FER1L6: variants seen among roughly 807,000 people sequenced by gnomAD.
The protein encoded by FER1L6 is fer-1-like protein 6.
FER1L6 carries 177 observed loss-of-function variants against 219.2 expected under a neutral mutation model. The observed-to-expected ratio is 0.81, with a 90% CI of 0.71 to 0.91. FER1L6 has a LOEUF of 0.91. Among genes scored for constraint, FER1L6 ranks in the 40% least tolerant of loss-of-function variants. The pLI, the probability that FER1L6 is intolerant of heterozygous loss-of-function variation, is 0.00. For synonymous variants in FER1L6, 768 were observed against 824.3 expected, an observed-to-expected ratio of 0.93 and a Z score of 1.17; for missense variants, 2,153 against 2,259.9, an observed-to-expected ratio of 0.95 and a Z score of 0.96.
In FER1L6 at chr8:124,083,270, C is replaced by T. The variant is rs570898407; in HGVS notation, c.4391+812C>T. On this transcript the variant is annotated intron_variant, in intron 33 of 40. Transcript: ENST00000522917. ...TTCTATCTAACTATATTTTTGTACT[C>T]ATTAACCATCATCCACTCTCTATCT... Among the ~76,000 whole-genome samples, 3 of 152,238 alleles carry T rather than the reference C, an allele frequency of 2.0e-5. No individual in the cohort carries two copies. The South Asian group carries it at 6.2e-4, about 32-fold the overall frequency.
chr8:123,883,963 G>A (rs1237433799), intron 1 of FER1L6, among the ~76,000 whole-genome samples: 2 of 152,090 alleles, frequency 1.3e-5, no homozygotes, highest in Admixed American at 1.3e-4. Context: ...TGAATTTTGG[G>A]GGGACACATT....
At chr8:124,116,399 G>C (rs569255249) in intron 39 of FER1L6, among the ~76,000 whole-genome samples, 1 of 151,784 alleles carries the variant, frequency 6.6e-6, no homozygotes, top group East Asian at 1.9e-4. Flanking sequence ...TAGCCAAAAA[G>C]GGCATGCATG....
intron 32 of FER1L6, among the ~76,000 whole-genome samples, chr8:124,079,821 T>C (rs997239399): frequency 6.6e-6 from 1 of 152,094 alleles, no homozygotes; most frequent in Non-Finnish European, 1.5e-5. Flanking sequence ...ATGGCTAAGA[T>C]TAGAAGTTCT....
intron 1 of FER1L6, among the ~76,000 whole-genome samples, chr8:123,877,056 A>G (rs1817016409): frequency 6.6e-6 from 1 of 152,144 alleles, no homozygotes; most frequent in African/African-American, 2.4e-5. Flanking sequence ...CTCCTCACCC[A>G]CACTGGTCTG....
intron 1 of FER1L6, among the ~76,000 whole-genome samples, chr8:123,880,588 T>C (rs999321892): frequency 1.3e-5 from 2 of 152,156 alleles, no homozygotes; most frequent in Non-Finnish European, 1.5e-5. Flanking sequence ...ACCCAGGGTA[T>C]TTTATGGCCA....
intron 1 of FER1L6, among the ~76,000 whole-genome samples, chr8:123,888,112 A>T (rs1212912073): frequency 8.1e-6 from 1 of 122,722 alleles, no homozygotes; most frequent in Non-Finnish European, 1.8e-5. Context: ...GTAAACTGAT[A>T]TTCTCTTTTT....
At chr8:123,964,701 C>T (rs897318704) in intron 3 of FER1L6, among the ~76,000 whole-genome samples, 2 of 152,182 alleles carry the variant, frequency 1.3e-5, no homozygotes, top group Non-Finnish European at 2.9e-5. Flanking sequence ...GGAATAACAG[C>T]CTTTTTCTTT....
rs768839478 is a variant in FER1L6, at chr8:124,071,630, C to T, written c.4091C>T (p.Ala1364Val). ...VTVLIRVYIV[A>V]AFNLSPADPD... is the part of the protein sequence containing the mutation. ...GTGCTGATCAGAGTATACATTGTCG[C>T]GGTGAGCCATTCTTGTTTGCTCTGA... Residue 1364 changes from alanine (A) to valine (V), a missense_variant and splice_region_variant, in exon 31 of 41, where the codon GCG (alanine) becomes GTG (valine). Transcript: ENST00000522917. 94 of 1,611,806 alleles carry T rather than the reference C, an allele frequency of 5.8e-5. No homozygotes were observed. Among genetic ancestry groups the T allele is most frequent in the East Asian group, 1.8e-4 (8 of 44,858 alleles).
At chr8:123,907,166 A>G (rs1268417711) in intron 1 of FER1L6, among the ~76,000 whole-genome samples, 1 of 152,196 alleles carries the variant, frequency 6.6e-6, no homozygotes, top group Admixed American at 6.5e-5. Flanking sequence ...GTAGTTTGCC[A>G]AATTCTTGAC....
intron 1 of FER1L6, among the ~76,000 whole-genome samples, chr8:123,929,797 A>C (rs1268640663): frequency 6.6e-6 from 1 of 152,184 alleles, no homozygotes; most frequent in East Asian, 1.9e-4. Flanking sequence ...ACATGAAAGC[A>C]CATGAAAATT....
chr8:123,915,019 A>C (rs1262906496), intron 1 of FER1L6, among the ~76,000 whole-genome samples: 2 of 151,188 alleles, frequency 1.3e-5, no homozygotes, highest in Non-Finnish European at 2.9e-5. Context: ...GAACTGAACT[A>C]TAAAAGGTAT....
intron 1 of FER1L6, among the ~76,000 whole-genome samples, chr8:123,934,606 C>T (rs1028883983): frequency 1.3e-5 from 2 of 151,692 alleles, no homozygotes; most frequent in Non-Finnish European, 1.5e-5. Flanking sequence ...CATGTGCTAT[C>T]AATTGGCTCA....
At chr8:123,918,707 C>T (rs1331963039) in intron 1 of FER1L6, among the ~76,000 whole-genome samples, 13 of 130,040 alleles carry the variant, frequency 1.0e-4, no homozygotes, top group Middle Eastern at 3.6e-3. Flanking sequence ...GTGGCAGGGG[C>T]GGGGGGGTGG....
chr8:124,021,747 G>A (rs1036844039), intron 17 of FER1L6, 78 bp downstream of exon 17: 46 of 1,530,196 alleles, frequency 3.0e-5, no homozygotes, highest in Non-Finnish European at 3.9e-5. Context: ...GGTTGGTACG[G>A]GTGAAATATG....
intron 37 of FER1L6, among the ~76,000 whole-genome samples, chr8:124,100,460 GAGGTTAGAT>G (rs1233829822): frequency 2.0e-5 from 3 of 152,176 alleles, no homozygotes; most frequent in African/African-American, 4.8e-5. Flanking sequence ...AAGGCACAGG[GAGGTTAGAT>G]AACTTACCTA....
intron 33 of FER1L6, among the ~76,000 whole-genome samples, chr8:124,086,723 C>T (rs566394889): frequency 4.3e-4 from 65 of 152,256 alleles, no homozygotes; most frequent in Non-Finnish European, 2.4e-4. Context: ...TCATTAACAT[C>T]CTTTTTCTCT....
intron 1 of FER1L6, among the ~76,000 whole-genome samples, chr8:123,930,323 T>A (rs34273310): frequency 0.39 from 59,302 of 151,926 alleles, 12,197 homozygotes; most frequent in South Asian, 0.52. Flanking sequence ...CTATTTTTTA[T>A]AACCACAGCT....
At chr8:124,072,357 A>G (rs920067956) in intron 31 of FER1L6, among the ~76,000 whole-genome samples, 6 of 152,140 alleles carry the variant, frequency 3.9e-5, no homozygotes, top group Non-Finnish European at 1.5e-5. Flanking sequence ...TGACTATGAA[A>G]CTTTTCGGCC....
chr8:124,093,663 G>C (rs1452032928), intron 34 of FER1L6, among the ~76,000 whole-genome samples: 1 of 151,194 alleles, frequency 6.6e-6, no homozygotes, highest in Non-Finnish European at 1.5e-5. Flanking sequence ...CCCACTAGAA[G>C]TCTGAAATCA....
Sources: allele counts gnomAD v4.1 joint callset (sites outside exome capture counted in the v4.1 genomes callset), GRCh38; gene constraint gnomAD v4.1.1; transcripts MANE v1.5; gene names NCBI Gene and HGNC (gene_info 2026-07-23, HGNC 2026-07-21).